GLI3: variants seen among roughly 807,000 people sequenced by gnomAD.
GLI3 encodes GLI family zinc finger 3, also known as transcription activator GLI3.
GLI3 carries 20 observed loss-of-function variants against 100.8 expected under a neutral mutation model. The observed-to-expected ratio is 0.20, with a 90% confidence interval of 0.14 to 0.29. GLI3 has a LOEUF of 0.29. Ranked by LOEUF, GLI3 falls within the 10% of genes least tolerant of loss-of-function variation. The probability of loss-of-function intolerance (pLI) is 1.00; values close to 1 mark genes in which losing one functional copy is unlikely to be tolerated. For missense variants in GLI3, 2,040 were observed against 2,128.5 expected, an observed-to-expected ratio of 0.96 and a Z score of 0.82; for synonymous variants, 938 against 860.5, an observed-to-expected ratio of 1.09 and a Z score of -1.58.
upstream of GLI3, chr7:42,238,003 G>GCCTCCTCCTCCTCCTCCT (rs1197149389): frequency 7.1e-6 from 1 of 140,528 alleles, no homozygotes. Context: ...CGCCGCCGCC[G>GCCTCCTCCTCCTCCTCCT]CCTCCTCCTC....
At chr7:42,182,670 A>ATATATATATATATATACACATGTGTG (rs1562775846) in intron 2 of GLI3, among the ~76,000 whole-genome samples, 3 of 73,338 alleles carry the variant, frequency 4.1e-5, no homozygotes, top group South Asian at 9.2e-4. Context: ...ATATATATAT[A>ATATATATATATATATACACATGTGTG]TATATATATA....
At chr7:42,183,058 T>C (rs893587692) in intron 2 of GLI3, among the ~76,000 whole-genome samples, 3 of 151,812 alleles carry the variant, frequency 2.0e-5, no homozygotes, top group Non-Finnish European at 4.4e-5. Flanking sequence ...CCGTCTCTAC[T>C]AAAAATAACA....
chr7:42,024,499 T>A (rs1345250837), intron 9 of GLI3, among the ~76,000 whole-genome samples: 1 of 152,200 alleles, frequency 6.6e-6, no homozygotes, highest in Non-Finnish European at 1.5e-5. Flanking sequence ...CAGTCTGAGG[T>A]TTGGGCTGAA....
At chr7:42,101,619 A>T (rs909006932) in intron 3 of GLI3, among the ~76,000 whole-genome samples, 104 of 151,596 alleles carry the variant, frequency 6.9e-4, no homozygotes, top group African/African-American at 1.8e-3. Context: ...TTTTTTTTTT[A>T]AATGTATAAT....
intron 7 of GLI3, among the ~76,000 whole-genome samples, chr7:42,039,570 A>C (rs981113181): frequency 6.6e-6 from 1 of 152,188 alleles, no homozygotes; most frequent in Non-Finnish European, 1.5e-5. Context: ...TCAGACGAAA[A>C]GTCCTGCTGT....
chr7:42,101,505 C>T (rs112619665), intron 3 of GLI3, among the ~76,000 whole-genome samples: 3 of 152,026 alleles, frequency 2.0e-5, no homozygotes, highest in African/African-American at 7.2e-5. Context: ...ACTCATGAGG[C>T]TGAGGCAGTA....
At chr7:42,224,343 C>T (rs1788545092) in intron 1 of GLI3, among the ~76,000 whole-genome samples, 1 of 152,188 alleles carries the variant, frequency 6.6e-6, no homozygotes, top group African/African-American at 2.4e-5. Flanking sequence ...AAATAAGCAA[C>T]TGCTTGACCA....
At chr7:42,225,270 G>A (rs149913350) in intron 1 of GLI3, among the ~76,000 whole-genome samples, 88 of 152,286 alleles carry the variant, frequency 5.8e-4, no homozygotes, top group African/African-American at 1.9e-3. Context: ...ATTTGCCTTG[G>A]AGGATGGCAC....
In GLI3 at chr7:41,962,674, G is replaced by A. The variant is rs1787040534; in HGVS notation, c.*1656C>T. On this transcript the variant is annotated 3_prime_UTR_variant, in exon 15 of 15. Coordinates refer to ENST00000395925, the MANE Select transcript of GLI3 (RefSeq NM_000168.6). ...GGTCCAAATGAAAGAACATAAACAT[G>A]AGAAAAGTGGGCTGGTCTTAACACT... 1 of 152,048 alleles carries A rather than the reference G, an allele frequency of 6.6e-6. No homozygotes were observed. Among genetic ancestry groups the A allele is most frequent in the Admixed American group, 6.5e-5 (1 of 15,272 alleles). 9.4% of individuals were successfully genotyped at this position (152,048 alleles called of 1,614,324 possible).
At chr7:42,104,634 G>A (rs986996926) in intron 3 of GLI3, among the ~76,000 whole-genome samples, 3 of 152,066 alleles carry the variant, frequency 2.0e-5, no homozygotes, top group Non-Finnish European at 4.4e-5. Flanking sequence ...ATTGATTCAG[G>A]GAAACATTTA....
intron 3 of GLI3, among the ~76,000 whole-genome samples, chr7:42,092,633 C>G (rs992983252): frequency 8.5e-5 from 13 of 152,172 alleles, no homozygotes; most frequent in Admixed American, 5.2e-4. Flanking sequence ...AGCCCCGACT[C>G]TCAGTCCAGT....
chr7:42,096,280 G>A (rs977994594), intron 3 of GLI3, among the ~76,000 whole-genome samples: 10 of 152,188 alleles, frequency 6.6e-5, no homozygotes, highest in Admixed American at 3.9e-4. Context: ...GGAGAGTACC[G>A]ATGGAGTCAG....
chr7:42,061,506 A>G (rs1784568269), intron 4 of GLI3, among the ~76,000 whole-genome samples: 1 of 152,108 alleles, frequency 6.6e-6, no homozygotes, highest in South Asian at 2.1e-4. Flanking sequence ...ATCATTAGTG[A>G]TTCAATAACT....
At chr7:42,096,314 C>G (rs74418693) in intron 3 of GLI3, among the ~76,000 whole-genome samples, 1 of 152,098 alleles carries the variant, frequency 6.6e-6, no homozygotes, top group Non-Finnish European at 1.5e-5. Context: ...CAGAATAGGA[C>G]GCAGGTTAGC....
At chr7:42,073,764 T>C (rs1267688944) in intron 4 of GLI3, among the ~76,000 whole-genome samples, 1 of 152,236 alleles carries the variant, frequency 6.6e-6, no homozygotes, top group African/African-American at 2.4e-5. Context: ...AACAATTGTG[T>C]GTACAAAATA....
intron 2 of GLI3, among the ~76,000 whole-genome samples, chr7:42,215,795 T>C (rs988640753): frequency 6.6e-6 from 1 of 152,206 alleles, no homozygotes; most frequent in Non-Finnish European, 1.5e-5. Context: ...ATTTAAGATA[T>C]TGTTCCCTAA....
intron 3 of GLI3, among the ~76,000 whole-genome samples, chr7:42,134,359 G>A (rs567721086): frequency 5.9e-4 from 90 of 152,254 alleles, no homozygotes; most frequent in African/African-American, 1.9e-3. Context: ...AAAGCTGAAC[G>A]ATTCATGTCC....
chr7:42,138,266 A>T (rs531227724), intron 3 of GLI3, among the ~76,000 whole-genome samples: 1 of 152,370 alleles, frequency 6.6e-6, no homozygotes, highest in South Asian at 2.1e-4. Flanking sequence ...TGAGTCCCCC[A>T]GAGGCACTCA....
chr7:42,188,151 A>G (rs1787757087), intron 2 of GLI3, among the ~76,000 whole-genome samples: 2 of 152,156 alleles, frequency 1.3e-5, no homozygotes, highest in East Asian at 3.9e-4. Flanking sequence ...TGGAAGAGGC[A>G]AGGAAGAATG....
Sources: gnomAD v4.1 joint callset for allele counts (sites outside exome capture counted in the v4.1 genomes callset) on GRCh38, gnomAD v4.1.1 for gene constraint, MANE v1.5 for transcripts, NCBI Gene and HGNC (gene_info 2026-07-23, HGNC 2026-07-21) for gene names.